FGD6: variants seen among roughly 807,000 people sequenced by gnomAD.
The protein encoded by FGD6 is FYVE, RhoGEF and PH domain containing 6, also known as FYVE, RhoGEF and PH domain-containing protein 6.
A neutral mutation model predicts 149.4 loss-of-function variants in FGD6; 90 were observed. The ratio of observed to expected loss-of-function variants is 0.60; its 90% confidence interval spans 0.51 to 0.72. The LOEUF is 0.72. Among genes scored for constraint, FGD6 ranks in the 30% least tolerant of loss-of-function variants. The pLI, the probability that FGD6 is intolerant of heterozygous loss-of-function variation, is 0.00. For synonymous variants in FGD6, 527 were observed against 584.0 expected (o/e 0.90, Z 1.41); for missense variants, 1,437 against 1,684.8 (o/e 0.85, Z 2.57).
At chr12:95,113,787 C>A in intron 8 of FGD6, 86 bp from the exon 9 acceptor site, 1 of 843,516 alleles carries the variant, frequency 1.2e-6, no homozygotes, top group East Asian at 2.6e-5. Flanking sequence ...CTTCATTAGT[C>A]TTGCTGGTTA....
chr12:95,080,162 G>A lies in FGD6; in HGVS notation c.*1358C>T, dbSNP rs930303783. On this transcript the variant is annotated 3_prime_UTR_variant, in exon 21 of 21. Coordinates refer to ENST00000343958, the MANE Select transcript of FGD6 (RefSeq NM_018351.4). Reference sequence around the variant, plus strand: ...AGATGGGGTTTCACCATATTGGCCAGGCTGGTCTCGATCTCCTGACCTCAG... The same window carrying A: ...AGATGGGGTTTCACCATATTGGCCAAGCTGGTCTCGATCTCCTGACCTCAG... 6.6e-6 allele frequency: 1 copy of A among 152,138 alleles called. No individual in the cohort carries two copies. The highest frequency in any genetic ancestry group is 1.5e-5 in the Non-Finnish European group (1 of 68,016). The allele number at this position is 152,138 out of a possible 1,614,324, so 9.4% of individuals were successfully genotyped here.
chr12:95,153,329 T>C (rs1048311998), intron 3 of FGD6, among the ~76,000 whole-genome samples: 2 of 152,128 alleles, frequency 1.3e-5, no homozygotes, highest in East Asian at 3.8e-4. Context: ...CCCTTACAGA[T>C]AGATACCAGA....
chr12:95,217,119 C>A, intron 1 of FGD6, 106 bp downstream of exon 1: 1 of 1,533,656 alleles, frequency 6.5e-7, no homozygotes, highest in East Asian at 2.4e-5. Context: ...GGCAAAGGTA[C>A]GGGGCACACA....
intron 18 of FGD6, among the ~76,000 whole-genome samples, chr12:95,087,790 A>G (rs1565892219): frequency 6.6e-6 from 1 of 152,176 alleles, no homozygotes; most frequent in African/African-American, 2.4e-5. Flanking sequence ...AAATAATTAT[A>G]TATTGTTTAG....
Position 95,076,854 on chromosome 12 carries a change from C to A in FGD6, c.*4666G>T, listed in dbSNP as rs1877509324. The stretch of plus-strand genomic sequence containing the variant: ...TGGACAAAAAGATACAAACTGTTAT[C>A]ATTTTAAGTACAAAGTATTTCTAGA... On this transcript the variant is annotated 3_prime_UTR_variant, in exon 21 of 21. Coordinates refer to ENST00000343958, the MANE Select transcript of FGD6 (RefSeq NM_018351.4). The A allele has an allele frequency of 6.6e-6, 1 of 151,466 alleles. No homozygotes were observed. Among genetic ancestry groups the A allele is most frequent in the Non-Finnish European group, 1.5e-5 (1 of 67,932 alleles). 9.4% of individuals were successfully genotyped at this position (151,466 alleles called of 1,614,324 possible).
At chr12:95,165,901 C>G (rs1468331351) in intron 3 of FGD6, among the ~76,000 whole-genome samples, 1 of 151,910 alleles carries the variant, frequency 6.6e-6, no homozygotes, top group Non-Finnish European at 1.5e-5. Context: ...TCCACCTCAG[C>G]CTCCCAAAGT....
chr12:95,099,379 G>C (rs1878347073), intron 14 of FGD6, among the ~76,000 whole-genome samples: 1 of 152,106 alleles, frequency 6.6e-6, no homozygotes, highest in African/African-American at 2.4e-5. Context: ...GTGTGTTGGT[G>C]GGAAGAGATG....
At chr12:95,137,764 G>A (rs943814440) in intron 6 of FGD6, 86 bp from the exon 7 acceptor site, 11 of 897,128 alleles carry the variant, frequency 1.2e-5, no homozygotes, top group South Asian at 6.1e-5. Flanking sequence ...CATCTAAGCC[G>A]CCAACTTATC....
chr12:95,151,311 C>A (rs544604235), intron 5 of FGD6, among the ~76,000 whole-genome samples: 1 of 152,228 alleles, frequency 6.6e-6, no homozygotes, highest in African/African-American at 2.4e-5. Context: ...TGATCTGTCA[C>A]CCATGTTGGA....
chr12:95,135,144 C>T (rs972810758), intron 7 of FGD6, among the ~76,000 whole-genome samples: 2 of 152,180 alleles, frequency 1.3e-5, no homozygotes, highest in African/African-American at 4.8e-5. Context: ...CCCTACTCAG[C>T]AGCTCCCACT....
chr12:95,093,480 G>C (rs12307747), intron 15 of FGD6, among the ~76,000 whole-genome samples: 17,636 of 151,956 alleles, frequency 0.12, 1,403 homozygotes, highest in Non-Finnish European at 0.18. Context: ...GGGAGTTCAA[G>C]ACCAGCCTGA....
chr12:95,113,550 A>C, intron 9 of FGD6, 101 bp downstream of exon 9: 7 of 954,426 alleles, frequency 7.3e-6, no homozygotes, highest in Non-Finnish European at 1.1e-5. Context: ...AGTCGTATGA[A>C]GAGAGTTTGT....
rs537217017 is a variant in FGD6, at chr12:95,127,312, G to A, written c.3082+7427C>T. On this transcript the variant is annotated intron_variant, in intron 8 of 20. Coordinates refer to ENST00000343958, the MANE Select transcript of FGD6 (RefSeq NM_018351.4). ...TGTAATCCCAGCAGTTAGGGAGGCCGAGGCAAGTGGATCACGAGGTCAGGA... is the reference window on the plus strand; with the variant it reads ...TGTAATCCCAGCAGTTAGGGAGGCCAAGGCAAGTGGATCACGAGGTCAGGA... 2.8e-4 allele frequency among the ~76,000 whole-genome samples: 43 copies of A among 152,304 alleles called. No individual in the cohort carries two copies. The South Asian group carries it at 8.3e-3, about 29-fold the overall frequency.
intron 8 of FGD6, among the ~76,000 whole-genome samples, chr12:95,118,068 C>A (rs7956762): frequency 0.99 from 150,574 of 151,994 alleles, 74,587 homozygotes; most frequent in East Asian, 1. Flanking sequence ...CAAATTCCCA[C>A]GGCCAGGCAT....
intron 13 of FGD6, 41 bp from the exon 14 acceptor site, chr12:95,105,127 G>A: frequency 6.4e-7 from 1 of 1,552,438 alleles, no homozygotes; most frequent in Non-Finnish European, 8.8e-7. Flanking sequence ...TCATCCTACT[G>A]AAAACCATAT....
chr12:95,169,029 G>C (rs1181689945), intron 3 of FGD6, among the ~76,000 whole-genome samples: 1 of 152,200 alleles, frequency 6.6e-6, no homozygotes, highest in Non-Finnish European at 1.5e-5. Flanking sequence ...TGTTGTCTCA[G>C]ATGAAGAGAC....
intron 5 of FGD6, among the ~76,000 whole-genome samples, chr12:95,150,009 C>G (rs1271709530): frequency 6.9e-6 from 1 of 145,530 alleles, no homozygotes. Context: ...CACACACACA[C>G]ACACACACAC....
Position 95,197,801 on chromosome 12 carries a change from T to C in FGD6, c.2441+11042A>G, listed in dbSNP as rs192106318. Among the ~76,000 whole-genome samples, 133 of 152,354 alleles carry C rather than the reference T, an allele frequency of 8.7e-4. 1 individual carries two copies. Among genetic ancestry groups the C allele is most frequent in the Admixed American group, 3.4e-3 (52 of 15,298 alleles). ...TATGAGACATGCATAATCCTTTCCA[T>C]GCCATTAATGTCCACATGCAACTAG... is the stretch of plus-strand genomic sequence containing the variant. On this transcript the variant is annotated intron_variant, in intron 2 of 20. Coordinates refer to ENST00000343958, the MANE Select transcript of FGD6 (RefSeq NM_018351.4).
At position 95,094,615 on chromosome 12, in the gene FGD6, A is replaced by G; in HGVS notation, c.3577T>C (p.Cys1193Arg). Residue 1193 changes from cysteine (C) to arginine (R), a missense_variant, in exon 15 of 21, where the codon TGT (cysteine) becomes CGT (arginine). Coordinates refer to ENST00000343958, the MANE Select transcript of FGD6 (RefSeq NM_018351.4). ...EEYAKKRITFCPSRSLDEADS... is the reference protein window; with the variant it reads ...EEYAKKRITFRPSRSLDEADS... ...ACCTCATCAAGACTCCTACTAGGAC[A>G]GAAGGTGATTCTTTTCTTGGCATAC... is the stretch of plus-strand genomic sequence containing the variant. 3.1e-6 allele frequency: 5 copies of G among 1,612,792 alleles called. No homozygotes were observed. The highest frequency in any genetic ancestry group is 3.4e-6 in the Non-Finnish European group (4 of 1,179,664).
Sources: allele counts gnomAD v4.1 joint callset (sites outside exome capture counted in the v4.1 genomes callset), GRCh38; gene constraint gnomAD v4.1.1; transcripts MANE v1.5; gene names NCBI Gene and HGNC (gene_info 2026-07-23, HGNC 2026-07-21).